RIT2: variants seen among roughly 807,000 people sequenced by gnomAD.
RIT2 encodes Ras like without CAAX 2.
RIT2 carries 24 observed loss-of-function variants against 23.7 expected under a neutral mutation model. The observed-to-expected ratio is 1.01, with a 90% CI of 0.73 to 1.43. The LOEUF (loss-of-function observed/expected upper bound fraction) is 1.43. RIT2 is among the 40% of genes most tolerant of loss of function. The probability of loss-of-function intolerance (pLI) is 0.00; values close to 1 mark genes in which losing one functional copy is unlikely to be tolerated. For missense variants in RIT2, 236 were observed against 266.9 expected (o/e 0.88, Z 0.81); for synonymous variants, 107 against 91.1 (o/e 1.17, Z -0.99).
chr18:43,072,140 C>G (rs554567490), intron 1 of RIT2, among the ~76,000 whole-genome samples: 70 of 152,154 alleles, frequency 4.6e-4, no homozygotes, highest in Middle Eastern at 6.8e-3. Context: ...TGAGTGCCAC[C>G]ACGGCCAGCT....
chr18:42,899,571 G>A (rs1908421303), intron 4 of RIT2, among the ~76,000 whole-genome samples: 1 of 151,920 alleles, frequency 6.6e-6, no homozygotes, highest in African/African-American at 2.4e-5. Flanking sequence ...TTCTTCTCAT[G>A]AGAGCTATAG....
chr18:42,760,010 C>G (rs947593606), intron 4 of RIT2, among the ~76,000 whole-genome samples: 1 of 152,110 alleles, frequency 6.6e-6, no homozygotes, highest in Non-Finnish European at 1.5e-5. Flanking sequence ...CTCCCGACCT[C>G]AAGTGATCCA....
intron 1 of RIT2, among the ~76,000 whole-genome samples, chr18:43,058,076 AAGAT>A (rs1912551454): frequency 6.6e-6 from 1 of 152,134 alleles, no homozygotes; most frequent in Non-Finnish European, 1.5e-5. Flanking sequence ...TAATTACACT[AAGAT>A]AGAATGAACT....
intron 4 of RIT2, among the ~76,000 whole-genome samples, chr18:42,852,544 G>A (rs1470344889): frequency 2.0e-5 from 3 of 152,074 alleles, no homozygotes; most frequent in Non-Finnish European, 2.9e-5. Context: ...TTTGTTACTC[G>A]GAGATGTTGT....
Position 42,743,506 on chromosome 18 carries a change from T to G in RIT2, c.641A>C (p.Glu214Ala), listed in dbSNP as rs1290464123. 1 of 1,611,428 alleles carries G rather than the reference T, an allele frequency of 6.2e-7. No individual in the cohort carries two copies. Among genetic ancestry groups the G allele is most frequent in the African/African-American group, 1.3e-5 (1 of 74,790 alleles). ...AAAGCAAAGATATCATGTCATATTT[T>G]CTCTCTTCTTCTTCAAAGAACCTTT... ...KLKGSLKKKR[E>A]NMT is the part of the protein sequence containing the mutation. Residue 214 changes from glutamate to alanine, a missense_variant, in exon 5 of 5, where the codon GAA becomes GCA. Glu to Ala is a moderately radical substitution (Grantham distance 107, BLOSUM62 -1). Coordinates refer to ENST00000326695, the MANE Select transcript of RIT2 (RefSeq NM_002930.4).
chr18:43,084,149 G>A (rs1034647309), intron 1 of RIT2, among the ~76,000 whole-genome samples: 1 of 152,098 alleles, frequency 6.6e-6, no homozygotes, highest in Non-Finnish European at 1.5e-5. Flanking sequence ...CATCATCACT[G>A]GTCATTAGAG....
intron 1 of RIT2, among the ~76,000 whole-genome samples, chr18:43,069,010 G>A (rs942012934): frequency 6.6e-6 from 1 of 152,126 alleles, no homozygotes; most frequent in African/African-American, 2.4e-5. Context: ...TTCCGGTTAA[G>A]GGAACAGATT....
intron 1 of RIT2, among the ~76,000 whole-genome samples, chr18:43,061,834 G>A (rs1381374549): frequency 3.9e-5 from 6 of 152,074 alleles, no homozygotes; most frequent in African/African-American, 1.2e-4. Flanking sequence ...CAGCATCTGA[G>A]TACCTTATTC....
intron 2 of RIT2, among the ~76,000 whole-genome samples, chr18:43,029,743 T>C (rs1911812476): frequency 6.6e-6 from 1 of 151,840 alleles, no homozygotes. Flanking sequence ...GAAATAATAT[T>C]GAATAAAGAG....
At chr18:43,063,346 A>T (rs149021715) in intron 1 of RIT2, among the ~76,000 whole-genome samples, 3 of 152,132 alleles carry the variant, frequency 2.0e-5, no homozygotes, top group Non-Finnish European at 4.4e-5. Context: ...ACCAATATTG[A>T]CTAACTTACT....
chr18:42,908,259 A>G (rs1247914265), intron 4 of RIT2, among the ~76,000 whole-genome samples: 3 of 151,966 alleles, frequency 2.0e-5, no homozygotes, highest in Admixed American at 2.0e-4. Context: ...CAAAGAGAAA[A>G]TAGACTAAAA....
intron 4 of RIT2, among the ~76,000 whole-genome samples, chr18:42,783,590 G>A (rs1288983456): frequency 7.2e-5 from 11 of 151,982 alleles, no homozygotes; most frequent in South Asian, 6.2e-4. Context: ...GCTGGACAGA[G>A]GACACAAGGG....
chr18:42,951,945 G>A (rs1309569848), intron 3 of RIT2, among the ~76,000 whole-genome samples: 1 of 152,136 alleles, frequency 6.6e-6, no homozygotes, highest in Non-Finnish European at 1.5e-5. Context: ...AAAGGCAAAT[G>A]AGGAACAAAG....
chr18:42,793,148 C>T (rs1914080201), intron 4 of RIT2, among the ~76,000 whole-genome samples: 1 of 152,042 alleles, frequency 6.6e-6, no homozygotes, highest in Admixed American at 6.6e-5. Context: ...TAATATAAGA[C>T]CTGCTAGTAG....
At chr18:42,986,757 C>T (rs1366046602) in intron 2 of RIT2, among the ~76,000 whole-genome samples, 1 of 152,076 alleles carries the variant, frequency 6.6e-6, no homozygotes, top group Non-Finnish European at 1.5e-5. Context: ...CTGACTTGGC[C>T]TCCCAAAGTG....
intron 4 of RIT2, among the ~76,000 whole-genome samples, chr18:42,915,449 C>T (rs541713961): frequency 5.7e-4 from 86 of 152,050 alleles, no homozygotes; most frequent in African/African-American, 1.8e-3. Context: ...TTCAAGGAAC[C>T]GATCCAATTC....
At chr18:42,854,226 C>T (rs1227184325) in intron 4 of RIT2, among the ~76,000 whole-genome samples, 1 of 152,098 alleles carries the variant, frequency 6.6e-6, no homozygotes, top group Non-Finnish European at 1.5e-5. Context: ...AGTTTTATTA[C>T]TTAATATGTT....
chr18:42,745,613 T>A (rs1046238723), intron 4 of RIT2, among the ~76,000 whole-genome samples: 1 of 152,202 alleles, frequency 6.6e-6, no homozygotes, highest in Non-Finnish European at 1.5e-5. Context: ...CAATTTTTTT[T>A]AGCTCATTTC....
intron 4 of RIT2, among the ~76,000 whole-genome samples, chr18:42,755,050 A>G (rs1239799567): frequency 2.6e-5 from 4 of 152,122 alleles, no homozygotes; most frequent in Non-Finnish European, 5.9e-5. Context: ...CCTTCATAGA[A>G]TTGGTAATAG....
Sources: gnomAD v4.1 joint callset for allele counts (sites outside exome capture counted in the v4.1 genomes callset) on GRCh38, gnomAD v4.1.1 for gene constraint, MANE v1.5 for transcripts, NCBI Gene and HGNC (gene_info 2026-07-23, HGNC 2026-07-21) for gene names.